The following NUP62 variants were observed in gnomAD, a reference collection of about 807,000 sequenced individuals.
The protein encoded by NUP62 is nucleoporin 62, also known as nuclear pore glycoprotein p62.
For missense variants in NUP62, 647 were observed against 689.4 expected, an observed-to-expected ratio of 0.94 and a Z score of 0.69; for synonymous variants, 305 against 303.4, an observed-to-expected ratio of 1.01 and a Z score of -0.05.
At position 49,908,960 on chromosome 19, in the gene NUP62, CTGGTGGTGG is replaced by C. The variant is rs746663980; in HGVS notation, c.839_847del (p.Thr280_Thr282del). 6.3e-5 allele frequency: 101 copies of C among 1,605,878 alleles called. No homozygotes were observed. Among genetic ancestry groups the C allele is most frequent in the Non-Finnish European group, 8.3e-5 (97 of 1,175,382 alleles). ...GGCAAAGCCGGTGGTGCTGCTGCTG[CTGGTGGTGG>C]TGGCGGTGGCGGTGGCAGCGGTGGA... On this transcript the variant is annotated inframe_deletion, in exon 3 of 3. Transcript: ENST00000352066.
intron 2 of NUP62, among the ~76,000 whole-genome samples, chr19:49,927,033 G>T (rs761386940): frequency 1.8e-4 from 28 of 151,954 alleles, no homozygotes; most frequent in Admixed American, 5.2e-4. Context: ...CTATTTTTTT[G>T]TATTTTTGGT....
chr19:49,928,885 G>C (rs150654811), intron 1 of NUP62: 1 of 152,316 alleles, frequency 6.6e-6, no homozygotes, highest in Non-Finnish European at 1.5e-5. Flanking sequence ...AAAATCACAG[G>C]AGGAAGCAGG....
At chr19:49,910,646 T>C (rs192668363) in intron 2 of NUP62, among the ~76,000 whole-genome samples, 7 of 149,544 alleles carry the variant, frequency 4.7e-5, no homozygotes, top group Non-Finnish European at 8.9e-5. Context: ...TGGGCCTCCC[T>C]TGGACACCTT....
Position 49,909,018 on chromosome 19 carries a change from C to G in NUP62, c.790G>C (p.Ala264Pro), listed in dbSNP as rs1330574039. 6.2e-7 allele frequency: 1 copy of G among 1,612,614 alleles called. No individual in the cohort carries two copies. The highest frequency in any genetic ancestry group is 8.5e-7 in the Non-Finnish European group (1 of 1,179,618). ...GATGTTGTTGTGGAGGTGCCGGAAG[C>G]TGCTCCAGGTGCCTTTAAGCTGAAG... ...QGFSLKAPGA[A>P]SGTSTTTSTA... Residue 264 changes from alanine to proline, a missense_variant, in exon 3 of 3, where the codon GCT becomes CCT. By Grantham distance (27) the Ala-to-Pro change is conservative (BLOSUM62 -1). Coordinates refer to ENST00000352066, the MANE Select transcript of NUP62 (RefSeq NM_016553.5).
In NUP62 at chr19:49,910,346, G is replaced by T. The variant is rs535438093; in HGVS notation, c.-77-462C>A. On this transcript the variant is annotated intron_variant, in intron 2 of 2. Transcript: ENST00000352066. ...AGGGCCTCTCTGGACCTCAGAGAGA[G>T]AGATGGGGCCGGGAACCCAGGCTGG... Among the ~76,000 whole-genome samples, 9 of 152,232 alleles carry T rather than the reference G, an allele frequency of 5.9e-5. No individual in the cohort carries two copies. The South Asian group carries it at 1.7e-3, about 28-fold the overall frequency.
chr19:49,911,420 C>T (rs1167051423), intron 2 of NUP62: 1 of 152,226 alleles, frequency 6.6e-6, no homozygotes, highest in Non-Finnish European at 1.5e-5. Context: ...AGCCAAGTGC[C>T]TGACCCAGAG....
intron 2 of NUP62, among the ~76,000 whole-genome samples, chr19:49,919,042 A>G (rs2075699293): frequency 6.6e-6 from 1 of 151,938 alleles, no homozygotes. Context: ...AATCCCAGCT[A>G]CTCGGGAGGC....
chr19:49,920,751 G>A (rs1568718201), intron 2 of NUP62, among the ~76,000 whole-genome samples: 2 of 152,346 alleles, frequency 1.3e-5, no homozygotes, highest in Admixed American at 6.5e-5. Context: ...CTGGTTGGCG[G>A]TGCAGGCACA....
At position 49,912,163 on chromosome 19, in the gene NUP62, CACCT is replaced by C. The variant is rs1353874212; in HGVS notation, c.-77-2283_-77-2280del. On this transcript the variant is annotated intron_variant, in intron 2 of 2. Transcript: ENST00000352066. The stretch of plus-strand genomic sequence containing the variant: ...TGGGGACTTGTCTGGCTTAACAGTT[CACCT>C]TTTTTTTTTTTTTTTTTTTGAGACG... 2.2e-5 allele frequency among the ~76,000 whole-genome samples: 3 copies of C among 137,920 alleles called. No homozygotes were observed. The East Asian group carries it at 6.8e-4, about 31-fold the overall frequency. The allele number at this position is 137,920 out of a possible 152,430, so 90.5% of individuals were successfully genotyped here.
intron 2 of NUP62, among the ~76,000 whole-genome samples, chr19:49,920,603 G>T (rs2075742559): frequency 6.6e-6 from 1 of 152,256 alleles, no homozygotes; most frequent in South Asian, 2.1e-4. Context: ...GAGGCGGATA[G>T]GCGTCAGGCT....
At chr19:49,909,943 A>T in intron 2 of NUP62, 59 bp from the exon 3 acceptor site, 1 of 868,086 alleles carries the variant, frequency 1.2e-6, no homozygotes. Context: ...GCTCAGTGGC[A>T]TGACTGGGCA....
intron 2 of NUP62, among the ~76,000 whole-genome samples, chr19:49,922,092 C>T (rs2075778678): frequency 6.6e-6 from 1 of 152,228 alleles, no homozygotes; most frequent in South Asian, 2.1e-4. Flanking sequence ...AAACACCCCT[C>T]CTGACTCAGA....
chr19:49,915,395 G>A (rs1435722980), intron 2 of NUP62, among the ~76,000 whole-genome samples: 1 of 152,200 alleles, frequency 6.6e-6, no homozygotes, highest in East Asian at 1.9e-4. Flanking sequence ...CTTTGAAGAT[G>A]AGGGGGCCAC....
At chr19:49,929,014 C>G (rs1461031259) in intron 1 of NUP62, 1 of 152,302 alleles carries the variant, frequency 6.6e-6, no homozygotes. Flanking sequence ...GAGGTCGGAT[C>G]CCCAGCTGAG....
In NUP62 at chr19:49,909,227, G is replaced by A. The variant is rs767155802; in HGVS notation, c.581C>T (p.Thr194Met). The change falls in exon 3 of 3, where the codon ACG becomes ATG. Residue 194 changes from threonine to methionine, a missense_variant. Transcript: ENST00000352066. ...GGCACCTGCTGTGGTGGCTGCTGGCGTGGCCGGAGTGAAGGGCAACGTGGC... is the reference window on the plus strand; with the variant it reads ...GGCACCTGCTGTGGTGGCTGCTGGCATGGCCGGAGTGAAGGGCAACGTGGC... ...APATLPFTPA[T>M]PAATTAGATQ... The A allele has an allele frequency of 7.6e-5, 123 of 1,614,034 alleles. 1 individual carries two copies. Among genetic ancestry groups the A allele is most frequent in the Middle Eastern group, 3.3e-4 (2 of 6,082 alleles).
chr19:49,915,854 C>T (rs940063467), intron 2 of NUP62, among the ~76,000 whole-genome samples: 3 of 152,166 alleles, frequency 2.0e-5, no homozygotes, highest in African/African-American at 4.8e-5. Context: ...CACCCAGCCA[C>T]GATAGGCCAT....
intron 2 of NUP62, among the ~76,000 whole-genome samples, chr19:49,923,828 C>G (rs1425726967): frequency 6.6e-6 from 1 of 152,262 alleles, no homozygotes; most frequent in Non-Finnish European, 1.5e-5. Context: ...ACCCAGCAGG[C>G]TGGCTCTAGG....
At position 49,929,469 on chromosome 19, in the gene NUP62, G is replaced by A. The variant is rs1377165313; in HGVS notation, c.-343C>T. 1.3e-5 allele frequency: 2 copies of A among 152,486 alleles called. No individual in the cohort carries two copies. The highest frequency in any genetic ancestry group is 2.4e-5 in the African/African-American group (1 of 41,434). The allele number at this position is 152,486 out of a possible 1,614,324, so 9.4% of individuals were successfully genotyped here. A position where few individuals can be genotyped will look rare whatever the true frequency, so the allele number is the denominator to read the frequency against. On this transcript the variant is annotated 5_prime_UTR_variant, in exon 1 of 3. Transcript: ENST00000352066. ...TTCGCAGCTCGTGGCCCTCTTTAGG[G>A]AGCCCTGGGGGGTGGGGAGTCGCGA...
chr19:49,918,356 C>T (rs544567710), intron 2 of NUP62, among the ~76,000 whole-genome samples: 1 of 152,298 alleles, frequency 6.6e-6, no homozygotes, highest in Non-Finnish European at 1.5e-5. Flanking sequence ...CGAGCCACCA[C>T]GTCCAGCGAG....
Sources: allele counts gnomAD v4.1 joint callset (sites outside exome capture counted in the v4.1 genomes callset), GRCh38; gene constraint gnomAD v4.1.1; transcripts MANE v1.5; gene names NCBI Gene and HGNC (gene_info 2026-07-23, HGNC 2026-07-21).